AGBL4: variants seen among roughly 807,000 people sequenced by gnomAD.
AGBL4 encodes cytosolic carboxypeptidase 6.
AGBL4 carries 58 observed loss-of-function variants against 66.4 expected under a neutral mutation model. The observed-to-expected ratio is 0.87, with a 90% CI of 0.71 to 1.09. AGBL4 has a LOEUF of 1.09. AGBL4 is among the 50% of genes least tolerant of loss of function. AGBL4 has a pLI of 0.00. For synonymous variants in AGBL4, 234 were observed against 222.9 expected, an observed-to-expected ratio of 1.05 and a Z score of -0.44; for missense variants, 579 against 631.0, an observed-to-expected ratio of 0.92 and a Z score of 0.88.
chr1:49,165,006 A>G (rs141890600), intron 4 of AGBL4, among the ~76,000 whole-genome samples: 1,909 of 152,256 alleles, frequency 0.013, 29 homozygotes, highest in Non-Finnish European at 0.016. Flanking sequence ...ATAAATAATC[A>G]GTAGGAACAT....
At chr1:49,050,882 T>C (rs980083084) in intron 4 of AGBL4, among the ~76,000 whole-genome samples, 2 of 152,168 alleles carry the variant, frequency 1.3e-5, no homozygotes, top group African/African-American at 4.8e-5. Flanking sequence ...AATGACTAAG[T>C]TGACTTATGA....
rs370546375 is a variant in AGBL4, at chr1:49,841,614, G to A, written c.157+9782C>T. On this transcript the variant is annotated intron_variant, in intron 2 of 13. Coordinates refer to ENST00000371839, the MANE Select transcript of AGBL4 (RefSeq NM_032785.4). Reference sequence around the variant, plus strand: ...ACTATACTCTAAGGCTACAGTAACCGAAACAGTATGGTGCTGGTACTAAAA... The same window carrying A: ...ACTATACTCTAAGGCTACAGTAACCAAAACAGTATGGTGCTGGTACTAAAA... Among the ~76,000 whole-genome samples the A allele has an allele frequency of 1.5e-3, 226 of 152,108 alleles. 2 individuals are homozygous for A. Among genetic ancestry groups the A allele is most frequent in the African/African-American group, 4.7e-3 (197 of 41,492 alleles).
intron 4 of AGBL4, among the ~76,000 whole-genome samples, chr1:49,220,056 G>T (rs187478192): frequency 1.3e-5 from 2 of 152,040 alleles, no homozygotes; most frequent in Admixed American, 1.3e-4. Flanking sequence ...TTCATTGGCT[G>T]TATTTTAAAA....
chr1:49,262,261 A>C (rs1477509450), intron 3 of AGBL4, among the ~76,000 whole-genome samples: 1 of 152,218 alleles, frequency 6.6e-6, no homozygotes, highest in East Asian at 1.9e-4. Flanking sequence ...CAAGGACTTC[A>C]TGTCTAAAAC....
chr1:49,597,725 TCTC>T (rs1484827813), intron 3 of AGBL4, among the ~76,000 whole-genome samples: 4 of 152,128 alleles, frequency 2.6e-5, no homozygotes, highest in African/African-American at 9.7e-5. Context: ...AAAGTCAAGA[TCTC>T]CTTCACATCC....
At chr1:49,702,803 A>G (rs773363799) in intron 2 of AGBL4, among the ~76,000 whole-genome samples, 20 of 152,196 alleles carry the variant, frequency 1.3e-4, no homozygotes, top group Non-Finnish European at 2.5e-4. Flanking sequence ...ACGAAAATCA[A>G]CTAATGCAAT....
At chr1:49,456,275 G>A (rs552023114) in intron 3 of AGBL4, among the ~76,000 whole-genome samples, 6 of 151,800 alleles carry the variant, frequency 4.0e-5, no homozygotes, top group Admixed American at 3.9e-4. Context: ...CCTAGAAATA[G>A]AATTTAAACA....
At chr1:49,697,567 C>T (rs1175023747) in intron 2 of AGBL4, 130 bp from the exon 3 acceptor site, 1 of 760,764 alleles carries the variant, frequency 1.3e-6, no homozygotes, top group Admixed American at 3.0e-5. Flanking sequence ...TCAGTGTTCA[C>T]AATCCAAAGG....
chr1:48,833,117 C>A (rs1008477996), intron 6 of AGBL4, among the ~76,000 whole-genome samples: 3 of 152,140 alleles, frequency 2.0e-5, no homozygotes, highest in Admixed American at 6.5e-5. Context: ...CAGTTTAGTG[C>A]TGAGAAGTGG....
Position 49,753,311 on chromosome 1 carries a change from T to C in AGBL4, c.158-55874A>G, listed in dbSNP as rs1018883887. 2.6e-5 allele frequency among the ~76,000 whole-genome samples: 4 copies of C among 152,240 alleles called. No individual in the cohort carries two copies. The South Asian group carries it at 8.3e-4, about 31-fold the overall frequency. The stretch of plus-strand genomic sequence containing the variant: ...TTTGCTTGTCTGTGAAGGATTTTAT[T>C]TCTCCTTTGCCTATGAAGCTTAGAT... On this transcript the variant is annotated intron_variant, in intron 2 of 13. Transcript: ENST00000371839.
At chr1:49,644,881 A>G (rs763742540) in intron 3 of AGBL4, among the ~76,000 whole-genome samples, 10 of 151,662 alleles carry the variant, frequency 6.6e-5, no homozygotes, top group South Asian at 2.1e-4. Context: ...CATAAAAGAA[A>G]TTCTCAATAT....
intron 6 of AGBL4, among the ~76,000 whole-genome samples, chr1:48,756,228 T>C (rs1334452333): frequency 6.6e-6 from 1 of 152,210 alleles, no homozygotes; most frequent in African/African-American, 2.4e-5. Context: ...CCTGTTTGGG[T>C]AACAAAAATT....
At chr1:48,528,352 C>T (rs1643890534), downstream of AGBL4, among the ~76,000 whole-genome samples, 1 of 152,086 alleles carries the variant, frequency 6.6e-6, no homozygotes, top group Non-Finnish European at 1.5e-5. Context: ...GAATATTAAC[C>T]AAGGCAGCTG....
intron 3 of AGBL4, among the ~76,000 whole-genome samples, chr1:49,554,678 C>T (rs145363873): frequency 4.4e-3 from 675 of 152,322 alleles, no homozygotes; most frequent in Middle Eastern, 0.01. Flanking sequence ...CTTGGTCTCG[C>T]TGACTTCAAG....
chr1:49,101,263 C>T (rs1381457774), intron 4 of AGBL4, among the ~76,000 whole-genome samples: 1 of 152,014 alleles, frequency 6.6e-6, no homozygotes, highest in Non-Finnish European at 1.5e-5. Context: ...TCTTGGCTCA[C>T]TGCAACCTCC....
At chr1:49,681,701 G>C (rs1447245076) in intron 3 of AGBL4, among the ~76,000 whole-genome samples, 2 of 152,146 alleles carry the variant, frequency 1.3e-5, no homozygotes, top group Non-Finnish European at 2.9e-5. Context: ...CAGCCTCTCT[G>C]ATTTCACAGC....
At chr1:48,816,192 A>C (rs1326139180) in intron 6 of AGBL4, among the ~76,000 whole-genome samples, 2 of 151,996 alleles carry the variant, frequency 1.3e-5, no homozygotes, top group African/African-American at 2.4e-5. Context: ...TGCTATATAG[A>C]ATTACAGTTA....
At chr1:48,727,489 T>C (rs1487589837) in intron 6 of AGBL4, 1 of 153,670 alleles carries the variant, frequency 6.5e-6, no homozygotes, top group African/African-American at 2.4e-5. Context: ...GTATATGTAA[T>C]ATACTAAAGA....
At chr1:49,355,045 G>A (rs1643990248) in intron 3 of AGBL4, among the ~76,000 whole-genome samples, 2 of 152,152 alleles carry the variant, frequency 1.3e-5, no homozygotes, top group South Asian at 2.1e-4. Flanking sequence ...GATGAGGAAG[G>A]GATCAGAATA....
Sources: allele counts gnomAD v4.1 joint callset (sites outside exome capture counted in the v4.1 genomes callset), GRCh38; gene constraint gnomAD v4.1.1; transcripts MANE v1.5; gene names NCBI Gene and HGNC (gene_info 2026-07-23, HGNC 2026-07-21).